Variants in ERBB4 observed in about 807,000 individuals in gnomAD.
ERBB4 encodes receptor tyrosine-protein kinase erbB-4.
In ERBB4, 42 loss-of-function variants were observed where a neutral mutation model predicts 158.0. That is an observed-to-expected ratio of 0.27 (90% CI 0.21 to 0.34). ERBB4 has a LOEUF of 0.34. Ranked by LOEUF, ERBB4 falls within the 10% of genes least tolerant of loss-of-function variation. The pLI, the probability that ERBB4 is intolerant of heterozygous loss-of-function variation, is 1.00. For synonymous variants in ERBB4, 583 were observed against 558.7 expected, an observed-to-expected ratio of 1.04 and a Z score of -0.61; for missense variants, 1,333 against 1,624.1, an observed-to-expected ratio of 0.82 and a Z score of 3.08.
At chr2:211,954,024 C>T (rs186411627) in intron 2 of ERBB4, among the ~76,000 whole-genome samples, 1 of 152,064 alleles carries the variant, frequency 6.6e-6, no homozygotes, top group South Asian at 2.1e-4. Flanking sequence ...ATCCTTTTAC[C>T]TCTAGATCAT....
intron 25 of ERBB4, among the ~76,000 whole-genome samples, chr2:211,417,948 T>G (rs1266227158): frequency 2.0e-5 from 3 of 152,176 alleles, no homozygotes; most frequent in Non-Finnish European, 4.4e-5. Flanking sequence ...TTTTTTAAAG[T>G]TAATTGCCTA....
At chr2:212,343,448 T>C (rs2088820958) in intron 1 of ERBB4, among the ~76,000 whole-genome samples, 1 of 152,168 alleles carries the variant, frequency 6.6e-6, no homozygotes, top group Non-Finnish European at 1.5e-5. Context: ...GATTTCCCTG[T>C]TAGAGTCAAA....
intron 25 of ERBB4, among the ~76,000 whole-genome samples, chr2:211,391,971 G>T (rs906708475): frequency 4.6e-5 from 7 of 152,078 alleles, no homozygotes; most frequent in African/African-American, 1.7e-4. Context: ...ACTTTCAATA[G>T]TAATTATAAG....
chr2:211,552,128 G>A (rs2067114384), intron 20 of ERBB4, among the ~76,000 whole-genome samples: 1 of 151,832 alleles, frequency 6.6e-6, no homozygotes, highest in African/African-American at 2.4e-5. Context: ...CTGTCCCTGG[G>A]CCACAAAAAT....
intron 3 of ERBB4, among the ~76,000 whole-genome samples, chr2:211,926,388 T>C (rs905361980): frequency 3.3e-5 from 5 of 152,184 alleles, no homozygotes; most frequent in Non-Finnish European, 7.4e-5. Flanking sequence ...GTAGTACTTT[T>C]ACATATACTT....
At chr2:211,448,361 A>G (rs905133467) in intron 20 of ERBB4, among the ~76,000 whole-genome samples, 11 of 152,132 alleles carry the variant, frequency 7.2e-5, no homozygotes, top group Non-Finnish European at 1.6e-4. Context: ...CTAAATCCAA[A>G]CAGTATTGGA....
At chr2:211,936,934 G>A (rs1023778787) in intron 3 of ERBB4, among the ~76,000 whole-genome samples, 8 of 152,006 alleles carry the variant, frequency 5.3e-5, no homozygotes, top group Non-Finnish European at 1.0e-4. Context: ...ACAAAACATT[G>A]ACCATTTTTA....
chr2:212,167,280 A>T (rs1328053940), intron 1 of ERBB4, among the ~76,000 whole-genome samples: 1 of 152,188 alleles, frequency 6.6e-6, no homozygotes, highest in African/African-American at 2.4e-5. Flanking sequence ...TGGGCAAAGG[A>T]TATGAACAGA....
intron 1 of ERBB4, among the ~76,000 whole-genome samples, chr2:212,507,545 AC>A (rs1315995794): frequency 1.3e-5 from 2 of 152,226 alleles, no homozygotes; most frequent in East Asian, 3.8e-4. Flanking sequence ...TAAAATATCA[AC>A]ATTTATAGGA....
Position 211,500,523 on chromosome 2 carries a change from G to A in ERBB4, c.2487+61380C>T, listed in dbSNP as rs543377095. On this transcript the variant is annotated intron_variant, in intron 20 of 27. Coordinates refer to ENST00000342788, the MANE Select transcript of ERBB4 (RefSeq NM_005235.3). ...TAACCCATTAAAAATGTAATGTAAA[G>A]TCAATTTCCATTCCACTCAAATGAT... 3.3e-5 allele frequency among the ~76,000 whole-genome samples: 5 copies of A among 152,150 alleles called. No individual in the cohort carries two copies. The South Asian group carries it at 1.0e-3, about 32-fold the overall frequency.
At chr2:211,549,470 T>G (rs534377522) in intron 20 of ERBB4, among the ~76,000 whole-genome samples, 3 of 152,154 alleles carry the variant, frequency 2.0e-5, no homozygotes, top group African/African-American at 7.2e-5. Flanking sequence ...CAAGGGATGG[T>G]GAATGCATGG....
intron 1 of ERBB4, among the ~76,000 whole-genome samples, chr2:212,130,273 T>C (rs1231013591): frequency 1.3e-5 from 2 of 152,138 alleles, no homozygotes; most frequent in African/African-American, 4.8e-5. Flanking sequence ...TCATTCCAAA[T>C]GTAACTCCAG....
At chr2:212,511,623 G>A (rs1183063584) in intron 1 of ERBB4, among the ~76,000 whole-genome samples, 3 of 151,490 alleles carry the variant, frequency 2.0e-5, no homozygotes, top group African/African-American at 7.3e-5. Flanking sequence ...TTTTTCAAAC[G>A]TATTTATTTC....
chr2:212,252,459 C>T (rs1377534743), intron 1 of ERBB4, among the ~76,000 whole-genome samples: 1 of 150,204 alleles, frequency 6.7e-6, no homozygotes, highest in East Asian at 1.9e-4. Flanking sequence ...TGTAAGCATG[C>T]CATATGAAGG....
At chr2:212,140,447 A>G (rs2080420425) in intron 1 of ERBB4, among the ~76,000 whole-genome samples, 2 of 147,464 alleles carry the variant, frequency 1.4e-5, no homozygotes, top group South Asian at 2.1e-4. Flanking sequence ...TATCATATAT[A>G]TTTGTCCTGT....
chr2:211,870,131 G>A (rs1316861796), intron 3 of ERBB4, among the ~76,000 whole-genome samples: 1 of 151,842 alleles, frequency 6.6e-6, no homozygotes, highest in African/African-American at 2.4e-5. Context: ...AATAGGTTTT[G>A]TAAACTTTTA....
At chr2:211,469,549 C>T (rs1366272120) in intron 20 of ERBB4, among the ~76,000 whole-genome samples, 1 of 152,120 alleles carries the variant, frequency 6.6e-6, no homozygotes, top group African/African-American at 2.4e-5. Flanking sequence ...GTTTGTTAAT[C>T]TTAAAGCTAG....
At chr2:212,294,695 C>T (rs1231984585) in intron 1 of ERBB4, among the ~76,000 whole-genome samples, 1 of 151,822 alleles carries the variant, frequency 6.6e-6, no homozygotes, top group African/African-American at 2.4e-5. Flanking sequence ...TTAATACTGC[C>T]TAGAATTTTA....
intron 20 of ERBB4, among the ~76,000 whole-genome samples, chr2:211,519,635 G>C (rs2066135921): frequency 6.6e-6 from 1 of 151,532 alleles, no homozygotes; most frequent in African/African-American, 2.4e-5. Flanking sequence ...ATTCACCCAA[G>C]CAAAACAGTT....
Sources: allele counts gnomAD v4.1 joint callset (sites outside exome capture counted in the v4.1 genomes callset), GRCh38; gene constraint gnomAD v4.1.1; transcripts MANE v1.5; gene names NCBI Gene and HGNC (gene_info 2026-07-23, HGNC 2026-07-21).